The following HS6ST2 variants were observed in gnomAD, a reference collection of about 807,000 sequenced individuals.
HS6ST2 encodes heparan-sulfate 6-O-sulfotransferase 2.
In HS6ST2, 17 loss-of-function variants were observed where a neutral mutation model predicts 33.0. That is an observed-to-expected ratio of 0.52 (90% CI 0.35 to 0.77). HS6ST2 has a LOEUF of 0.77. Among genes scored for constraint, HS6ST2 ranks in the 30% least tolerant of loss-of-function variants. HS6ST2 has a pLI of 0.01. For missense variants in HS6ST2, 519 were observed against 551.7 expected, an observed-to-expected ratio of 0.94 and a Z score of 0.59; for synonymous variants, 248 against 237.1, an observed-to-expected ratio of 1.05 and a Z score of -0.42.
rs182491640 is a variant in HS6ST2 at position 132,936,382 on chromosome X, T to C, written c.947+20426A>G. ...AGCCCAGGCCCATATGTTTCTCTAG[T>C]GAATTACACCAAAAATTTAAAAAGA... On this transcript the variant is annotated intron_variant, in intron 2 of 4. Transcript: ENST00000370833. 4.5e-5 allele frequency among the ~76,000 whole-genome samples: 5 copies of C among 110,203 alleles called. No individual in the cohort carries two copies. In the East Asian group the frequency reaches 1.1e-3, roughly 25 times the overall value.
upstream of HS6ST2, chrX:132,961,332 C>T (rs2067140811): frequency 9.0e-6 from 1 of 110,878 alleles, no homozygotes; most frequent in Non-Finnish European, 1.9e-5. Flanking sequence ...TTCCCAGAAC[C>T]GTCCTTCCAT....
In HS6ST2 at chrX:132,741,846, A is replaced by T. The variant is rs186156768; in HGVS notation, c.948-33352T>A. 9.8e-5 allele frequency among the ~76,000 whole-genome samples: 11 copies of T among 111,814 alleles called. No homozygotes were observed. The East Asian group carries it at 3.1e-3, about 31-fold the overall frequency. ...GGGATCTGGCAGTACTAAGTCTGCAACTTACTAGCTGTGTGTCACTTCCAT... is the reference window on the plus strand; with the variant it reads ...GGGATCTGGCAGTACTAAGTCTGCATCTTACTAGCTGTGTGTCACTTCCAT... On this transcript the variant is annotated intron_variant, in intron 2 of 4. Transcript: ENST00000370833.
rs1036485914 is a variant in HS6ST2 at position 132,896,305 on chromosome X, C to T, written c.947+60503G>A. On this transcript the variant is annotated intron_variant, in intron 2 of 4. Transcript: ENST00000370833. ...CTAACACGGTAAAACCTCGTCTCTA[C>T]TAAAAATACAAAAAAATTACCCAGG... Among the ~76,000 whole-genome samples the T allele has an allele frequency of 1.1e-4, 12 of 110,311 alleles. No individual in the cohort carries two copies. The Admixed American group carries it at 1.2e-3, about 11-fold the overall frequency.
intron 2 of HS6ST2, among the ~76,000 whole-genome samples, chrX:132,853,558 G>A (rs2148410033): frequency 9.0e-6 from 1 of 110,935 alleles, no homozygotes; most frequent in Admixed American, 9.6e-5. Flanking sequence ...AGGATAATCA[G>A]ACTATGAATA....
rs776420496 is a variant in HS6ST2 at position 132,670,788 on chromosome X, G to A, written c.981-1589C>T. 1.3e-4 allele frequency among the ~76,000 whole-genome samples: 15 copies of A among 112,319 alleles called. No individual in the cohort carries two copies. In the East Asian group the frequency reaches 1.4e-3, roughly 11 times the overall value. ...AAATTGTGCGATTGCACTCCAGCCC[G>A]GGCAACAGTGCGAGACTCCGTCTCA... On this transcript the variant is annotated intron_variant, in intron 3 of 4. Transcript: ENST00000370833.
intron 3 of HS6ST2, among the ~76,000 whole-genome samples, chrX:132,676,736 C>T (rs1353051028): frequency 1.8e-5 from 2 of 111,686 alleles, no homozygotes; most frequent in East Asian, 2.8e-4. Flanking sequence ...TCCCAGATGA[C>T]GGTAATGTTT....
At chrX:132,804,854 C>T (rs2065266652) in intron 2 of HS6ST2, among the ~76,000 whole-genome samples, 1 of 111,474 alleles carries the variant, frequency 9.0e-6, no homozygotes, top group African/African-American at 3.3e-5. Flanking sequence ...TGTTACTTTA[C>T]TGAAGTGGTA....
intron 2 of HS6ST2, among the ~76,000 whole-genome samples, chrX:132,751,703 G>A (rs17251232): frequency 0.016 from 1,752 of 112,678 alleles, 15 homozygotes; most frequent in Non-Finnish European, 0.025. Context: ...TGTCACTTCC[G>A]GGATTCTCCC....
chrX:132,923,964 C>T, intron 2 of HS6ST2, among the ~76,000 whole-genome samples: 1 of 112,389 alleles, frequency 8.9e-6, no homozygotes. Context: ...TCCTTTCAAG[C>T]ATCCAATGCT....
chrX:132,712,860 A>G (rs2064243130), intron 2 of HS6ST2, among the ~76,000 whole-genome samples: 2 of 110,848 alleles, frequency 1.8e-5, no homozygotes, highest in Non-Finnish European at 3.8e-5. Context: ...CCTCGTCTCT[A>G]CTAAAAATAC....
chrX:132,772,042 T>C (rs1393252959), intron 2 of HS6ST2, among the ~76,000 whole-genome samples: 2 of 111,757 alleles, frequency 1.8e-5, no homozygotes, highest in Non-Finnish European at 3.8e-5. Context: ...AAATGGTAAA[T>C]TGTTGTAATT....
At chrX:132,951,955 G>C (rs1251367828) in intron 2 of HS6ST2, among the ~76,000 whole-genome samples, 1 of 112,150 alleles carries the variant, frequency 8.9e-6, no homozygotes, top group Non-Finnish European at 1.9e-5. Flanking sequence ...CTGTGAGACA[G>C]AGAATGATGT....
chrX:132,655,147 C>T lies in HS6ST2; in HGVS notation c.1067+13966G>A, dbSNP rs776243832. Among the ~76,000 whole-genome samples, 4 of 111,977 alleles carry T rather than the reference C, an allele frequency of 3.6e-5. No homozygotes were observed. The South Asian group carries it at 1.5e-3, about 42-fold the overall frequency. On this transcript the variant is annotated intron_variant, in intron 4 of 4. Transcript: ENST00000370833. ...ATCCACCTCTCTATGCCCACCCTGC[C>T]CCAGCATCTGGTAATGTGCCTATCA... is the stretch of plus-strand genomic sequence containing the variant.
intron 2 of HS6ST2, among the ~76,000 whole-genome samples, chrX:132,787,198 T>TATATATAC (rs1556443168): frequency 1.1e-4 from 9 of 80,082 alleles, no homozygotes; most frequent in African/African-American, 5.1e-4. Flanking sequence ...CATATATATA[T>TATATATAC]ACACATATAT....
At chrX:132,878,726 T>C (rs1367834756) in intron 2 of HS6ST2, among the ~76,000 whole-genome samples, 1 of 111,776 alleles carries the variant, frequency 8.9e-6, no homozygotes, top group African/African-American at 3.3e-5. Context: ...ATTTGGAATA[T>C]AAATAATCAT....
At chrX:132,919,215 T>C (rs1329141878) in intron 2 of HS6ST2, among the ~76,000 whole-genome samples, 2 of 112,370 alleles carry the variant, frequency 1.8e-5, no homozygotes, top group African/African-American at 6.5e-5. Context: ...AATCATTTAA[T>C]GCAAGTGGCT....
At chrX:132,643,378 G>A (rs987523910) in intron 4 of HS6ST2, among the ~76,000 whole-genome samples, 2 of 111,454 alleles carry the variant, frequency 1.8e-5, no homozygotes, top group African/African-American at 3.3e-5. Flanking sequence ...TTACTCTCTC[G>A]TTGAGTAAGA....
chrX:132,874,916 G>C (rs1200080068), intron 2 of HS6ST2, among the ~76,000 whole-genome samples: 2 of 111,488 alleles, frequency 1.8e-5, no homozygotes, highest in Admixed American at 1.9e-4. Flanking sequence ...GGAAGGGGGG[G>C]GCGGCCCATG....
intron 2 of HS6ST2, among the ~76,000 whole-genome samples, chrX:132,796,064 A>G (rs1173475788): frequency 8.9e-6 from 1 of 111,998 alleles, no homozygotes. Flanking sequence ...TGATGCTGGT[A>G]GCATAGGGCC....
Sources: gnomAD v4.1 joint callset for allele counts (sites outside exome capture counted in the v4.1 genomes callset) on GRCh38, gnomAD v4.1.1 for gene constraint, MANE v1.5 for transcripts, NCBI Gene and HGNC (gene_info 2026-07-23, HGNC 2026-07-21) for gene names.